Variants in GSG1L observed in about 807,000 individuals in gnomAD.
GSG1L encodes the protein GSG1 like, also known as germ cell-specific gene 1-like protein.
GSG1L carries 24 observed loss-of-function variants against 42.1 expected under a neutral mutation model. The ratio of observed to expected loss-of-function variants is 0.57; its 90% confidence interval spans 0.41 to 0.80. GSG1L has a LOEUF of 0.80. Ranked by LOEUF, GSG1L falls within the 30% of genes least tolerant of loss-of-function variation. The pLI is 0.00. For synonymous variants in GSG1L, 215 were observed against 203.5 expected (o/e 1.06, Z -0.48); for missense variants, 445 against 472.2 (o/e 0.94, Z 0.53).
intron 2 of GSG1L, among the ~76,000 whole-genome samples, chr16:27,946,584 AGAGAGAGAGAGAGAG>A (rs2084865505): frequency 3.1e-4 from 7 of 22,758 alleles, no homozygotes; most frequent in African/African-American, 6.1e-4. Flanking sequence ...AAAGAAAGAG[AGAGAGAGAGAGAGAG>A]AGAGAGAGAG....
At chr16:28,038,396 C>A (rs985728426) in intron 1 of GSG1L, among the ~76,000 whole-genome samples, 1 of 152,166 alleles carries the variant, frequency 6.6e-6, no homozygotes, top group Non-Finnish European at 1.5e-5. Context: ...GCTCAGGAAG[C>A]GGAAGAGGCA....
At position 27,890,120 on chromosome 16, in the gene GSG1L, G is replaced by A. The variant is rs919691973; in HGVS notation, c.398-5482C>T. The stretch of plus-strand genomic sequence containing the variant: ...CCTCTGTTAGCAGGTTGTTGCCACC[G>A]GTCTGGCTGTGGGGCGTAGGATTCC... On this transcript the variant is annotated intron_variant, in intron 2 of 6. Coordinates refer to ENST00000447459, the MANE Select transcript of GSG1L (RefSeq NM_001109763.2). Among the ~76,000 whole-genome samples the A allele has an allele frequency of 3.9e-5, 6 of 152,274 alleles. No individual in the cohort carries two copies. In the East Asian group the frequency reaches 5.8e-4, roughly 15 times the overall value.
chr16:27,867,878 C>CT (rs1164460094), intron 3 of GSG1L, among the ~76,000 whole-genome samples: 6 of 152,246 alleles, frequency 3.9e-5, no homozygotes, highest in Non-Finnish European at 8.8e-5. Context: ...GAGTCGGAGC[C>CT]TGGGCCTAGC....
Position 27,802,731 on chromosome 16 carries a change from C to T in GSG1L, c.898+4756G>A, listed in dbSNP as rs536890379. 1.3e-4 allele frequency among the ~76,000 whole-genome samples: 20 copies of T among 152,212 alleles called. 1 individual carries two copies. In the South Asian group the frequency reaches 4.2e-3, roughly 32 times the overall value. ...TCAACCATCCCATACTGTACTGCAG[C>T]CTCAAACTCCTGGGCTCAATCAATC... On this transcript the variant is annotated intron_variant, in intron 6 of 6. Coordinates refer to ENST00000447459, the MANE Select transcript of GSG1L (RefSeq NM_001109763.2).
intron 2 of GSG1L, chr16:27,888,183 G>C (rs1278136430): frequency 1.0e-6 from 1 of 967,646 alleles, no homozygotes; most frequent in African/African-American, 1.8e-5. Flanking sequence ...CCACACCCCA[G>C]GGGGTGCGTT....
intron 3 of GSG1L, among the ~76,000 whole-genome samples, chr16:27,846,279 A>G (rs949781122): frequency 6.6e-6 from 1 of 152,144 alleles, no homozygotes; most frequent in Admixed American, 6.6e-5. Context: ...TTACTGCCCA[A>G]TGCTGAGTCT....
intron 4 of GSG1L, 42 bp from the exon 5 acceptor site, chr16:27,828,998 C>A: frequency 6.3e-7 from 1 of 1,596,700 alleles, no homozygotes; most frequent in Non-Finnish European, 8.6e-7. Flanking sequence ...TGAGGGTGGG[C>A]AAGGGACAGG....
At chr16:28,060,969 A>G (rs529901164) in intron 1 of GSG1L, among the ~76,000 whole-genome samples, 1 of 152,230 alleles carries the variant, frequency 6.6e-6, no homozygotes, top group African/African-American at 2.4e-5. Context: ...TTCAGGGAGC[A>G]GCCAACAGAG....
intron 5 of GSG1L, among the ~76,000 whole-genome samples, chr16:27,808,337 T>C (rs2082991876): frequency 6.6e-6 from 1 of 152,182 alleles, no homozygotes; most frequent in Non-Finnish European, 1.5e-5. Context: ...TCCTCCTGCG[T>C]CTGCCTCCCA....
At chr16:27,802,771 C>T (rs987187080) in intron 6 of GSG1L, among the ~76,000 whole-genome samples, 10 of 152,254 alleles carry the variant, frequency 6.6e-5, no homozygotes, top group African/African-American at 1.9e-4. Flanking sequence ...CCTCCCACTT[C>T]AGCCTCCAGA....
At chr16:27,859,227 C>A (rs1009058764) in intron 3 of GSG1L, among the ~76,000 whole-genome samples, 1 of 152,124 alleles carries the variant, frequency 6.6e-6, no homozygotes, top group Admixed American at 6.5e-5. Flanking sequence ...CTCTAGGGGG[C>A]GCTCATAGAG....
At chr16:27,863,347 C>T (rs571716567) in intron 3 of GSG1L, 51 of 152,212 alleles carry the variant, frequency 3.4e-4, no homozygotes, top group African/African-American at 1.2e-3. Context: ...GTGAAGTGTT[C>T]TATTTTTACA....
intron 3 of GSG1L, among the ~76,000 whole-genome samples, chr16:27,878,974 G>A (rs1220497311): frequency 6.6e-6 from 1 of 152,154 alleles, no homozygotes; most frequent in East Asian, 1.9e-4. Context: ...GGGTTTTGCT[G>A]GAGGCAGGCC....
At chr16:27,980,618 C>T (rs2085314377) in intron 1 of GSG1L, among the ~76,000 whole-genome samples, 1 of 152,158 alleles carries the variant, frequency 6.6e-6, no homozygotes, top group African/African-American at 2.4e-5. Context: ...CACGGTGGCT[C>T]AGGCCTGTAA....
chr16:28,026,543 T>C (rs577981573), intron 1 of GSG1L, among the ~76,000 whole-genome samples: 2 of 152,100 alleles, frequency 1.3e-5, no homozygotes, highest in Non-Finnish European at 2.9e-5. Flanking sequence ...AGGCATTTAC[T>C]TCTCATTCTT....
rs144784258 is a variant in GSG1L at position 28,059,323 on chromosome 16, G to T, written c.349+3753C>A. On this transcript the variant is annotated intron_variant, in intron 1 of 6. Transcript: ENST00000447459. The surrounding 1 kb of genome is among the most constrained non-coding windows in gnomAD (Gnocchi z 4.4). Reference sequence around the variant, plus strand: ...CTCTGGGACTGTGGGAGGGGCCACCGCGGTGTGGGGTGTGTTGGCTCCCCG... The same window carrying T: ...CTCTGGGACTGTGGGAGGGGCCACCTCGGTGTGGGGTGTGTTGGCTCCCCG... Among the ~76,000 whole-genome samples, 1 of 152,026 alleles carries T rather than the reference G, an allele frequency of 6.6e-6. No individual in the cohort carries two copies. The highest frequency in any genetic ancestry group is 6.6e-5 in the Admixed American group (1 of 15,260).
intron 1 of GSG1L, among the ~76,000 whole-genome samples, chr16:28,006,295 TTTTATTTATTTA>T (rs55673236): frequency 2.0e-5 from 3 of 149,080 alleles, no homozygotes; most frequent in Non-Finnish European, 3.0e-5. Flanking sequence ...CTTGATTGTA[TTTTATTTATTTA>T]TTTATTTATT....
intron 2 of GSG1L, among the ~76,000 whole-genome samples, chr16:27,922,626 C>A (rs938043799): frequency 6.6e-6 from 1 of 152,140 alleles, no homozygotes; most frequent in African/African-American, 2.4e-5. Flanking sequence ...TTCAGCACTG[C>A]CCTTTGGACA....
chr16:27,831,343 AT>A (rs960744505), intron 4 of GSG1L, among the ~76,000 whole-genome samples: 2 of 151,958 alleles, frequency 1.3e-5, no homozygotes, highest in African/African-American at 4.8e-5. Context: ...TTTTTCCTTG[AT>A]TTTTTTCTAC....
Sources: allele counts gnomAD v4.1 joint callset (sites outside exome capture counted in the v4.1 genomes callset), GRCh38; gene constraint gnomAD v4.1.1; non-coding constraint Gnocchi (gnomAD v3.1); transcripts MANE v1.5; gene names NCBI Gene and HGNC (gene_info 2026-07-23, HGNC 2026-07-21).